The following NRK variants were observed in gnomAD, a reference collection of about 807,000 sequenced individuals.
NRK encodes nik-related protein kinase.
A neutral mutation model predicts 125.2 loss-of-function variants in NRK; 67 were observed. The observed-to-expected ratio is 0.54, with a 90% CI of 0.44 to 0.66. The LOEUF is 0.66. NRK is among the 30% of genes least tolerant of loss of function. The pLI is 0.00. For synonymous variants in NRK, 458 were observed against 429.0 expected, an observed-to-expected ratio of 1.07 and a Z score of -0.84; for missense variants, 1,224 against 1,192.9, an observed-to-expected ratio of 1.03 and a Z score of -0.38.
chrX:105,881,916 T>A (rs2147708702), intron 4 of NRK, 137 bp downstream of exon 4: 1 of 415,628 alleles, frequency 2.4e-6, no homozygotes, highest in Non-Finnish European at 4.2e-6. Context: ...TGATAACATA[T>A]TTATATCTTT....
intron 9 of NRK, among the ~76,000 whole-genome samples, chrX:105,900,905 T>G (rs1200849479): frequency 9.0e-6 from 1 of 111,425 alleles, no homozygotes; most frequent in Non-Finnish European, 1.9e-5. Flanking sequence ...GTACTTTTCT[T>G]TCTTATAATA....
chrX:105,857,744 T>G (rs1242722370), intron 2 of NRK, among the ~76,000 whole-genome samples: 1 of 111,786 alleles, frequency 8.9e-6, no homozygotes, highest in Admixed American at 9.5e-5. Context: ...TTCCAGGCAT[T>G]TGCAGACACG....
chrX:105,846,914 A>G (rs2039409610), intron 2 of NRK, among the ~76,000 whole-genome samples: 1 of 111,916 alleles, frequency 8.9e-6, no homozygotes, highest in Non-Finnish European at 1.9e-5. Flanking sequence ...AAGTCATTTG[A>G]TCCTCATAGG....
At chrX:105,892,639 A>G (rs1373464868) in intron 5 of NRK, among the ~76,000 whole-genome samples, 1 of 111,785 alleles carries the variant, frequency 8.9e-6, no homozygotes, top group African/African-American at 3.2e-5. Flanking sequence ...ACCACAGTGT[A>G]CATGTTGTGC....
intron 28 of NRK, 112 bp downstream of exon 28, chrX:105,953,285 T>G: frequency 1.7e-6 from 1 of 590,205 alleles, no homozygotes; most frequent in Non-Finnish European, 2.4e-6. Flanking sequence ...TGTGGTATAT[T>G]TTTTCAAACT....
At chrX:105,856,142 A>G (rs1450572054) in intron 2 of NRK, among the ~76,000 whole-genome samples, 2 of 111,962 alleles carry the variant, frequency 1.8e-5, no homozygotes, top group African/African-American at 6.5e-5. Context: ...CTTACAACAA[A>G]CTTGACAACC....
intron 1 of NRK, among the ~76,000 whole-genome samples, chrX:105,827,635 G>A (rs1008676037): frequency 1.8e-5 from 2 of 111,706 alleles, no homozygotes; most frequent in African/African-American, 6.5e-5. Context: ...GATTTCAGTG[G>A]GCAGCCAGAC....
chrX:105,871,124 A>G (rs2039741152), intron 2 of NRK, among the ~76,000 whole-genome samples: 1 of 111,742 alleles, frequency 8.9e-6, no homozygotes, highest in Non-Finnish European at 1.9e-5. Context: ...TAGGGGAAGC[A>G]TGGATGAACA....
chrX:105,923,926 T>TAC, intron 18 of NRK, among the ~76,000 whole-genome samples: 1 of 76,243 alleles, frequency 1.3e-5, no homozygotes, highest in East Asian at 3.5e-4. Context: ...TATATATATA[T>TAC]GTGAAATTTA....
intron 2 of NRK, among the ~76,000 whole-genome samples, chrX:105,836,290 A>G (rs1429484320): frequency 2.7e-5 from 3 of 112,159 alleles, no homozygotes; most frequent in Non-Finnish European, 5.6e-5. Flanking sequence ...TTCATGAAGA[A>G]TATACCATAT....
intron 23 of NRK, among the ~76,000 whole-genome samples, chrX:105,943,392 T>A (rs923816042): frequency 8.9e-6 from 1 of 112,261 alleles, no homozygotes; most frequent in Non-Finnish European, 1.9e-5. Context: ...TCTCTCCTTA[T>A]GTTATTTAGT....
intron 24 of NRK, among the ~76,000 whole-genome samples, chrX:105,944,725 C>T (rs1360601990): frequency 1.8e-5 from 2 of 111,565 alleles, no homozygotes; most frequent in Admixed American, 9.5e-5. Flanking sequence ...GAAAAGAAAG[C>T]CTTTGCTCCA....
chrX:105,843,918 T>C (rs1176298202), intron 2 of NRK, among the ~76,000 whole-genome samples: 1 of 110,049 alleles, frequency 9.1e-6, no homozygotes, highest in Non-Finnish European at 1.9e-5. Context: ...AAAAAATTAA[T>C]GGCTTGAAAT....
intron 2 of NRK, among the ~76,000 whole-genome samples, chrX:105,877,776 A>G (rs1569299115): frequency 9.0e-6 from 1 of 110,755 alleles, no homozygotes; most frequent in Non-Finnish European, 1.9e-5. Flanking sequence ...ATTAGGACAC[A>G]TTTTCTGACG....
At chrX:105,874,887 G>A (rs776567359) in intron 2 of NRK, among the ~76,000 whole-genome samples, 50 of 111,403 alleles carry the variant, frequency 4.5e-4, no homozygotes, top group Non-Finnish European at 8.5e-4. Flanking sequence ...CACATTAAGG[G>A]ATATGTATTC....
At chrX:105,932,336 G>T (rs1602687871) in intron 19 of NRK, among the ~76,000 whole-genome samples, 1 of 111,380 alleles carries the variant, frequency 9.0e-6, no homozygotes, top group East Asian at 2.8e-4. Flanking sequence ...GGTTTTTGGG[G>T]GGTATATAGC....
At chrX:105,894,053 C>T in intron 6 of NRK, 111 bp downstream of exon 6, 1 of 443,068 alleles carries the variant, frequency 2.3e-6, no homozygotes, top group Non-Finnish European at 3.7e-6. Context: ...CCAAACATAA[C>T]CTGTGCATCA....
chrX:105,898,171 C>G (rs1477831721), intron 7 of NRK, among the ~76,000 whole-genome samples: 1 of 111,993 alleles, frequency 8.9e-6, no homozygotes, highest in East Asian at 2.8e-4. Context: ...AGAGCCTTCT[C>G]ATATCATGTG....
At chrX:105,891,058 AT>A (rs967497131) in intron 5 of NRK, among the ~76,000 whole-genome samples, 27 of 112,177 alleles carry the variant, frequency 2.4e-4, no homozygotes, top group Non-Finnish European at 3.8e-4. Context: ...CTGGATAAGG[AT>A]AAATTCTAAT....
Sources: allele counts gnomAD v4.1 joint callset (sites outside exome capture counted in the v4.1 genomes callset), GRCh38; gene constraint gnomAD v4.1.1; transcripts MANE v1.5; gene names NCBI Gene and HGNC (gene_info 2026-07-23, HGNC 2026-07-21).